PCGF3: variants seen among roughly 807,000 people sequenced by gnomAD.
PCGF3 encodes polycomb group ring finger 3, also known as polycomb group RING finger protein 3.
Under a neutral mutation model 33.1 loss-of-function variants are expected in PCGF3, and 7 were observed. The ratio of observed to expected loss-of-function variants is 0.21; its 90% CI spans 0.12 to 0.40. The LOEUF is 0.40. PCGF3 is among the 10% of genes least tolerant of loss of function. The probability of loss-of-function intolerance (pLI) is 1.00; values close to 1 mark genes in which losing one functional copy is unlikely to be tolerated. For synonymous variants in PCGF3, 153 were observed against 121.3 expected, an observed-to-expected ratio of 1.26 and a Z score of -1.72; for missense variants, 211 against 313.3, an observed-to-expected ratio of 0.67 and a Z score of 2.46.
chr4:734,363 T>C (rs774072959), intron 4 of PCGF3: 1 of 1,412,630 alleles, frequency 7.1e-7, no homozygotes, highest in Non-Finnish European at 9.2e-7. Flanking sequence ...CGTCTCTTGA[T>C]GGCTGGGGAG....
At chr4:761,876 C>A (rs1453261097) in intron 9 of PCGF3, 8 of 985,294 alleles carry the variant, frequency 8.1e-6, no homozygotes, top group Non-Finnish European at 9.6e-6. Context: ...AAGGCAGTGA[C>A]ACCATGGGGA....
chr4:732,200 C>A (rs180985855), intron 3 of PCGF3, among the ~76,000 whole-genome samples: 1 of 147,146 alleles, frequency 6.8e-6, no homozygotes, highest in African/African-American at 2.5e-5. Flanking sequence ...GGCTCCCCTC[C>A]CCTCGTGGGT....
intron 8 of PCGF3, among the ~76,000 whole-genome samples, chr4:749,079 CCTTTT>C (rs1744397610): frequency 6.6e-6 from 1 of 152,206 alleles, no homozygotes; most frequent in Non-Finnish European, 1.5e-5. Flanking sequence ...CTAATATTTA[CCTTTT>C]CTTTTGATCC....
At chr4:710,556 G>A (rs966675733) in intron 1 of PCGF3, among the ~76,000 whole-genome samples, 9 of 152,350 alleles carry the variant, frequency 5.9e-5, no homozygotes, top group Admixed American at 3.3e-4. Flanking sequence ...GTAAATCAGC[G>A]ATTGCGTGTG....
intron 1 of PCGF3, among the ~76,000 whole-genome samples, chr4:719,337 C>T (rs1403475300): frequency 1.3e-5 from 2 of 152,204 alleles, no homozygotes; most frequent in Non-Finnish European, 2.9e-5. Flanking sequence ...CTAACCTGGT[C>T]GTCTCCAGCG....
rs376407807 is a variant in PCGF3, at chr4:708,470, C to T, written c.-190+2500C>T. Among the ~76,000 whole-genome samples, 23 of 151,758 alleles carry T rather than the reference C, an allele frequency of 1.5e-4. No homozygotes were observed. The East Asian group carries it at 1.8e-3, about 12-fold the overall frequency. ...GCCAGGCATCTGGCATCCTGGTACCCGAGGCCCTTTCCATGAGACCCTGGG... is the reference window on the plus strand; with the variant it reads ...GCCAGGCATCTGGCATCCTGGTACCTGAGGCCCTTTCCATGAGACCCTGGG... On this transcript the variant is annotated intron_variant, in intron 1 of 10. Coordinates refer to ENST00000362003, the Ensembl canonical transcript of PCGF3.
At chr4:760,833 G>C (rs1577445367) in intron 8 of PCGF3, among the ~76,000 whole-genome samples, 1 of 152,358 alleles carries the variant, frequency 6.6e-6, no homozygotes, top group African/African-American at 2.4e-5. Context: ...CTGGAAGGCA[G>C]CTGTGACCTT....
chr4:749,054 C>T (rs915943894), intron 8 of PCGF3, among the ~76,000 whole-genome samples: 3 of 152,218 alleles, frequency 2.0e-5, no homozygotes, highest in Non-Finnish European at 4.4e-5. Flanking sequence ...AAATTTATAT[C>T]AGTGTTTACT....
At chr4:733,773 C>G in exon 4 of PCGF3, 1 of 1,613,606 alleles carries the variant, frequency 6.2e-7, no homozygotes, top group Non-Finnish European at 8.5e-7. Context: ...CCACGGTGAC[C>G]GAGTGTCTGC....
chr4:714,674 G>A (rs1345201478), intron 1 of PCGF3, among the ~76,000 whole-genome samples: 1 of 152,134 alleles, frequency 6.6e-6, no homozygotes, highest in African/African-American at 2.4e-5. Flanking sequence ...TCCGTGGACC[G>A]GGCTCGCATC....
intron 1 of PCGF3, among the ~76,000 whole-genome samples, chr4:715,993 T>C (rs1742814826): frequency 7.7e-6 from 1 of 129,504 alleles, no homozygotes; most frequent in Middle Eastern, 6.0e-3. Context: ...GTGTGAGAAC[T>C]GGGCGTCGGT....
intron 1 of PCGF3, among the ~76,000 whole-genome samples, chr4:718,304 C>A (rs922510991): frequency 4.6e-5 from 7 of 152,028 alleles, no homozygotes; most frequent in African/African-American, 1.7e-4. Flanking sequence ...GCTGAAGCGC[C>A]CCCGAGCTCC....
intron 9 of PCGF3, among the ~76,000 whole-genome samples, chr4:763,284 G>A (rs1317396017): frequency 6.6e-6 from 1 of 152,222 alleles, no homozygotes; most frequent in Non-Finnish European, 1.5e-5. Context: ...TTCATGTGGA[G>A]GTGTAGCGGG....
chr4:762,773 G>A (rs1413853405), intron 9 of PCGF3: 1 of 152,228 alleles, frequency 6.6e-6, no homozygotes, highest in Non-Finnish European at 1.5e-5. Context: ...ATGGACTCTG[G>A]AACTGAGTAC....
At chr4:741,740 C>T (rs1744101051) in intron 6 of PCGF3, among the ~76,000 whole-genome samples, 1 of 152,186 alleles carries the variant, frequency 6.6e-6, no homozygotes, top group Admixed American at 6.5e-5. Context: ...ATACACCTGA[C>T]ACTGAGTGCT....
At chr4:740,904 C>A (rs916779751) in intron 6 of PCGF3, among the ~76,000 whole-genome samples, 4 of 152,110 alleles carry the variant, frequency 2.6e-5, no homozygotes, top group Non-Finnish European at 5.9e-5. Flanking sequence ...CCCTCTGCAC[C>A]GTGGCTGGAA....
intron 1 of PCGF3, among the ~76,000 whole-genome samples, chr4:729,783 A>T (rs753573535): frequency 6.6e-6 from 1 of 152,204 alleles, no homozygotes; most frequent in Non-Finnish European, 1.5e-5. Context: ...AAATGATACA[A>T]ACGGGGTAGA....
intron 8 of PCGF3, chr4:757,411 G>C (rs1351597241): frequency 6.6e-6 from 1 of 152,232 alleles, no homozygotes; most frequent in East Asian, 1.9e-4. Flanking sequence ...CCATTCTGTT[G>C]GCGTGCGTTT....
At chr4:734,748 T>G in intron 4 of PCGF3, 183 bp from the exon 5 acceptor site, 1 of 1,381,536 alleles carries the variant, frequency 7.2e-7, no homozygotes, top group Non-Finnish European at 9.4e-7. Context: ...TAAAACCTTC[T>G]CATTGCTCCT....
Sources: gnomAD v4.1 joint callset for allele counts (sites outside exome capture counted in the v4.1 genomes callset) on GRCh38, gnomAD v4.1.1 for gene constraint, MANE v1.5 for transcripts, NCBI Gene and HGNC (gene_info 2026-07-23, HGNC 2026-07-21) for gene names.